ERBB4: variants seen among roughly 807,000 people sequenced by gnomAD.
ERBB4 encodes receptor tyrosine-protein kinase erbB-4.
In ERBB4, 42 loss-of-function variants were observed where a neutral mutation model predicts 158.0. The observed-to-expected ratio is 0.27, with a 90% CI of 0.21 to 0.34. The LOEUF is 0.34. ERBB4 is among the 10% of genes least tolerant of loss of function. The pLI is 1.00. For missense variants in ERBB4, 1,333 were observed against 1,624.1 expected, an observed-to-expected ratio of 0.82 and a Z score of 3.08; for synonymous variants, 583 against 558.7, an observed-to-expected ratio of 1.04 and a Z score of -0.61.
At chr2:212,076,336 G>T (rs530125508) in intron 2 of ERBB4, among the ~76,000 whole-genome samples, 1 of 151,966 alleles carries the variant, frequency 6.6e-6, no homozygotes, top group South Asian at 2.1e-4. Context: ...TCATGAGAGA[G>T]ATAAATATTG....
At chr2:211,632,501 A>C (rs1049768509) in intron 16 of ERBB4, among the ~76,000 whole-genome samples, 1 of 152,044 alleles carries the variant, frequency 6.6e-6, no homozygotes, top group African/African-American at 2.4e-5. Flanking sequence ...CCAAACTCTA[A>C]ACTTTCTCTG....
intron 20 of ERBB4, among the ~76,000 whole-genome samples, chr2:211,477,059 A>G (rs2064971974): frequency 6.6e-6 from 1 of 152,126 alleles, no homozygotes; most frequent in Admixed American, 6.6e-5. Flanking sequence ...TGAGATTAAC[A>G]TTTAAATTGG....
chr2:211,946,766 G>A (rs2080710850), intron 3 of ERBB4, among the ~76,000 whole-genome samples: 1 of 151,416 alleles, frequency 6.6e-6, no homozygotes, highest in South Asian at 2.1e-4. Flanking sequence ...TGAGCTATGT[G>A]AACTGAAAAG....
chr2:211,571,035 C>CTCTTTTTTTTTTTTTTTTTT, intron 19 of ERBB4, among the ~76,000 whole-genome samples: 1 of 81,218 alleles, frequency 1.2e-5, no homozygotes, highest in African/African-American at 5.2e-5. Flanking sequence ...TCTGAGTACT[C>CTCTTTTTTTTTTTTTTTTTT]TTCTTCTTTT....
intron 1 of ERBB4, among the ~76,000 whole-genome samples, chr2:212,230,168 C>T (rs1414384788): frequency 6.6e-6 from 1 of 151,858 alleles, no homozygotes; most frequent in Middle Eastern, 3.2e-3. Context: ...GCCTATAATC[C>T]CAGCTACTCG....
chr2:212,284,949 ACAGGCAGCCCTT>A (rs1403829492), intron 1 of ERBB4, among the ~76,000 whole-genome samples: 1 of 152,108 alleles, frequency 6.6e-6, no homozygotes, highest in East Asian at 1.9e-4. Context: ...TAGCATCTTG[ACAGGCAGCCCTT>A]CAAATGGCAA....
intron 20 of ERBB4, among the ~76,000 whole-genome samples, chr2:211,435,622 A>C (rs2063832735): frequency 6.6e-6 from 1 of 152,152 alleles, no homozygotes; most frequent in Admixed American, 6.5e-5. Flanking sequence ...CGGCAGCATT[A>C]GATTCTCGTA....
chr2:212,398,931 T>G (rs1256939805), intron 1 of ERBB4, among the ~76,000 whole-genome samples: 1 of 152,152 alleles, frequency 6.6e-6, no homozygotes, highest in Non-Finnish European at 1.5e-5. Context: ...AATATATTGT[T>G]CATTCTATTT....
chr2:211,551,158 A>G (rs141375741), intron 20 of ERBB4, among the ~76,000 whole-genome samples: 1,798 of 152,292 alleles, frequency 0.012, 39 homozygotes, highest in African/African-American at 0.041. Flanking sequence ...TCCTTAGACT[A>G]GTATGCAGTG....
intron 1 of ERBB4, among the ~76,000 whole-genome samples, chr2:212,408,281 C>G (rs2091405614): frequency 6.6e-6 from 1 of 151,972 alleles, no homozygotes; most frequent in Non-Finnish European, 1.5e-5. Flanking sequence ...GTGTTGTTCC[C>G]CTCCCTGTGT....
Position 211,381,658 on chromosome 2 carries a change from AAGGAGGTTTGGATGGATGG to A in ERBB4, c.*1938_*1956del. On this transcript the variant is annotated 3_prime_UTR_variant, in exon 28 of 28. Transcript: ENST00000342788. ...TGCTTTTAGTAGACACAGTTAGATAAAGGAGGTTTGGATGGATGGATGGATGGATTTACTTGTTCAGAAT... is the reference window on the plus strand; with the variant it reads ...TGCTTTTAGTAGACACAGTTAGATAAATGGATGGATTTACTTGTTCAGAAT... The A allele has an allele frequency of 4.3e-6, 1 of 231,700 alleles. No homozygotes were observed. Among genetic ancestry groups the A allele is most frequent in the South Asian group, 1.8e-4 (1 of 5,506 alleles). 14.4% of individuals were successfully genotyped at this position (231,700 alleles called of 1,614,324 possible). A position where few individuals can be genotyped will look rare whatever the true frequency, so the allele number is the denominator to read the frequency against.
intron 1 of ERBB4, among the ~76,000 whole-genome samples, chr2:212,292,953 C>G (rs2086262809): frequency 6.6e-6 from 1 of 151,844 alleles, no homozygotes; most frequent in Admixed American, 6.6e-5. Flanking sequence ...CCCAAGGACT[C>G]TTATTATAAG....
chr2:211,500,570 T>C (rs1472898513), intron 20 of ERBB4, among the ~76,000 whole-genome samples: 1 of 152,150 alleles, frequency 6.6e-6, no homozygotes, highest in African/African-American at 2.4e-5. Context: ...TTCATAATCA[T>C]TAGTTTATCA....
chr2:212,535,230 GCCC>G (rs1394017527), intron 1 of ERBB4, among the ~76,000 whole-genome samples: 1 of 151,636 alleles, frequency 6.6e-6, no homozygotes, highest in Non-Finnish European at 1.5e-5. Flanking sequence ...CTTCTAAAAA[GCCC>G]CCTTTTATAT....
chr2:212,474,483 CA>C (rs1003786272), intron 1 of ERBB4, among the ~76,000 whole-genome samples: 27 of 151,724 alleles, frequency 1.8e-4, no homozygotes, highest in Non-Finnish European at 3.1e-4. Flanking sequence ...TCTCAGAAGC[CA>C]AAAAAATAAC....
chr2:211,810,662 C>CTTTTTTTTTTTT (rs59305629), intron 3 of ERBB4, among the ~76,000 whole-genome samples: 1 of 101,512 alleles, frequency 9.9e-6, no homozygotes, highest in African/African-American at 3.9e-5. Flanking sequence ...CAGTCTCTGT[C>CTTTTTTTTTTTT]TTTTTTTTTT....
intron 3 of ERBB4, among the ~76,000 whole-genome samples, chr2:211,907,790 C>A: frequency 6.6e-6 from 1 of 151,646 alleles, no homozygotes; most frequent in East Asian, 2.0e-4. Flanking sequence ...CACAACTCTC[C>A]ATAGTGTTAT....
chr2:212,455,355 C>T (rs545229892), intron 1 of ERBB4, among the ~76,000 whole-genome samples: 41 of 123,366 alleles, frequency 3.3e-4, no homozygotes, highest in African/African-American at 9.9e-4. Context: ...CATCACCCTC[C>T]TAATCTTATC....
In ERBB4 at chr2:211,535,738, G is replaced by T. The variant is rs778327428; in HGVS notation, c.2487+26165C>A. 8 of 152,712 alleles carry T rather than the reference G, an allele frequency of 5.2e-5. No homozygotes were observed. The Admixed American group carries it at 5.2e-4, about 10-fold the overall frequency. The allele number at this position is 152,712 out of a possible 1,614,324, so 9.5% of individuals were successfully genotyped here. ...GTCAGGCCTGGTTAGTACTTGGATG[G>T]GAGAAGTGTAAAATCTGGATTACTA... On this transcript the variant is annotated intron_variant, in intron 20 of 27. Coordinates refer to ENST00000342788, the MANE Select transcript of ERBB4 (RefSeq NM_005235.3).
Sources: gnomAD v4.1 joint callset for allele counts (sites outside exome capture counted in the v4.1 genomes callset) on GRCh38, gnomAD v4.1.1 for gene constraint, MANE v1.5 for transcripts, NCBI Gene and HGNC (gene_info 2026-07-23, HGNC 2026-07-21) for gene names.